The following FHAD1 variants were observed in gnomAD, a reference collection of about 807,000 sequenced individuals.
FHAD1 encodes the protein forkhead associated phosphopeptide binding domain 1.
In FHAD1, 146 loss-of-function variants were observed where a neutral mutation model predicts 191.3. The observed-to-expected ratio is 0.76, with a 90% CI of 0.67 to 0.88. The LOEUF (loss-of-function observed/expected upper bound fraction) is 0.88, where lower values mean the gene tolerates loss of function less well. Among genes scored for constraint, FHAD1 ranks in the 40% least tolerant of loss-of-function variants. FHAD1 has a pLI of 0.00. For missense variants in FHAD1, 1,635 were observed against 1,785.8 expected (o/e 0.92, Z 1.52); for synonymous variants, 616 against 672.3 (o/e 0.92, Z 1.29).
rs71572151 is a variant in FHAD1 at position 15,355,936 on chromosome 1, G to GAAAA, written c.2563-2162_2563-2159dup. Reference sequence around the variant, plus strand: ...AAAAACCTGTCATTCTAGAAAACTTGAAAAAAAAAAAAAAACAGAAAATCA... The same window carrying GAAAA: ...AAAAACCTGTCATTCTAGAAAACTTGAAAAAAAAAAAAAAAAAAACAGAAAATCA... On this transcript the variant is annotated intron_variant, in intron 20 of 33. Transcript: ENST00000688493. 5.5e-4 allele frequency among the ~76,000 whole-genome samples: 65 copies of GAAAA among 117,402 alleles called. No homozygotes were observed. The South Asian group carries it at 0.012, about 22-fold the overall frequency. The allele number at this position is 117,402 out of a possible 152,430, so 77.0% of individuals were successfully genotyped here.
chr1:15,275,555 G>A (rs186659180), intron 3 of FHAD1, among the ~76,000 whole-genome samples: 1 of 152,190 alleles, frequency 6.6e-6, no homozygotes, highest in African/African-American at 2.4e-5. Context: ...ATTCGTGCAG[G>A]CTTCCTCTTA....
chr1:15,315,285 C>G (rs755032482), intron 8 of FHAD1: 1 of 152,008 alleles, frequency 6.6e-6, no homozygotes, highest in Non-Finnish European at 1.5e-5. Context: ...TGTTTTGTTT[C>G]TAAAATTACC....
intron 33 of FHAD1, among the ~76,000 whole-genome samples, chr1:15,394,224 G>A (rs143184036): frequency 4.6e-5 from 7 of 152,220 alleles, no homozygotes; most frequent in Non-Finnish European, 8.8e-5. Flanking sequence ...CCCTTCCGTG[G>A]TGCTTCCCAT....
chr1:15,334,408 C>T (rs1291937038), intron 14 of FHAD1: 1 of 152,214 alleles, frequency 6.6e-6, no homozygotes, highest in Non-Finnish European at 1.5e-5. Flanking sequence ...CTAAGCTAAA[C>T]CGCATCTGAT....
upstream of FHAD1, among the ~76,000 whole-genome samples, chr1:15,244,213 C>T (rs1057378818): frequency 6.6e-6 from 1 of 152,150 alleles, no homozygotes; most frequent in Non-Finnish European, 1.5e-5. This position sits in a 1 kb window ranked among gnomAD's most constrained non-coding sequence, Gnocchi z 5.1. Flanking sequence ...AATTGGGTTT[C>T]AAGAACTTTG....
At position 15,289,667 on chromosome 1, in the gene FHAD1, G is replaced by T. The variant is rs1663808561; in HGVS notation, c.568+1G>T. ...CGCAAGCCACCCGTCATCAAGCAAG[G>T]TATGCGTCAGGGCTGCCATTGGTGG... On this transcript the variant is annotated splice_donor_variant, in intron 4 of 33. Transcript: ENST00000688493. LOFTEE classifies it high-confidence loss of function. This position sits in a 1 kb window ranked among gnomAD's most constrained non-coding sequence, Gnocchi z 4.2. 2 of 1,545,388 alleles carry T rather than the reference G, an allele frequency of 1.3e-6. No homozygotes were observed. Among genetic ancestry groups the T allele is most frequent in the Non-Finnish European group, 1.8e-6 (2 of 1,142,116 alleles).
At chr1:15,332,103 G>A (rs1374677583) in intron 14 of FHAD1, among the ~76,000 whole-genome samples, 1 of 152,170 alleles carries the variant, frequency 6.6e-6, no homozygotes, top group African/African-American at 2.4e-5. Context: ...TATCCAGAAG[G>A]TGGGGTAACA....
At chr1:15,353,616 A>C (rs1691624072) in intron 20 of FHAD1, among the ~76,000 whole-genome samples, 1 of 150,372 alleles carries the variant, frequency 6.7e-6, no homozygotes, top group Non-Finnish European at 1.5e-5. Flanking sequence ...GAGGCAGGAG[A>C]ATCGCTTGAA....
upstream of FHAD1, among the ~76,000 whole-genome samples, chr1:15,244,111 A>G (rs1264335678): frequency 6.6e-6 from 1 of 151,818 alleles, no homozygotes; most frequent in East Asian, 1.9e-4. The surrounding 1 kb of genome is among the most constrained non-coding windows in gnomAD (Gnocchi z 5.1). Context: ...GCAATGTACA[A>G]CTCTCTTACT....
chr1:15,294,936 A>G (rs1050918430), intron 4 of FHAD1, among the ~76,000 whole-genome samples: 1 of 152,156 alleles, frequency 6.6e-6, no homozygotes, highest in Admixed American at 6.5e-5. Flanking sequence ...CATACAGGTG[A>G]GGGAGGAAGA....
At chr1:15,388,853 A>C (rs1703035840) in intron 32 of FHAD1, among the ~76,000 whole-genome samples, 1 of 152,192 alleles carries the variant, frequency 6.6e-6, no homozygotes, top group African/African-American at 2.4e-5. Flanking sequence ...ATCTTTAAGA[A>C]CAGCCTTCGT....
upstream of FHAD1, among the ~76,000 whole-genome samples, chr1:15,242,259 C>CAA (rs1266511819): frequency 1.4e-5 from 2 of 142,878 alleles, no homozygotes; most frequent in African/African-American, 5.1e-5. Context: ...AAAAAGTTTA[C>CAA]AAAAAGTACA....
chr1:15,366,626 C>T (rs1422424782), intron 24 of FHAD1, among the ~76,000 whole-genome samples: 1 of 152,234 alleles, frequency 6.6e-6, no homozygotes, highest in Non-Finnish European at 1.5e-5. Flanking sequence ...GCTTTGGGAC[C>T]TAGGGCAAGG....
At chr1:15,270,391 G>A (rs1655390036) in intron 2 of FHAD1, among the ~76,000 whole-genome samples, 1 of 152,202 alleles carries the variant, frequency 6.6e-6, no homozygotes, top group Admixed American at 6.5e-5. Flanking sequence ...CAAGCCAGGT[G>A]ACTTGTCAAG....
intron 18 of FHAD1, among the ~76,000 whole-genome samples, chr1:15,346,165 C>T (rs915621558): frequency 6.6e-6 from 1 of 152,166 alleles, no homozygotes; most frequent in African/African-American, 2.4e-5. Flanking sequence ...TTCCTCAGGT[C>T]CCTCACAGGA....
At chr1:15,373,103 A>G (rs1262825367) in intron 26 of FHAD1, among the ~76,000 whole-genome samples, 1 of 152,210 alleles carries the variant, frequency 6.6e-6, no homozygotes, top group Non-Finnish European at 1.5e-5. Context: ...AATGGACTTC[A>G]GGAGGTCTTG....
At chr1:15,350,385 G>C (rs1027500277) in intron 19 of FHAD1, among the ~76,000 whole-genome samples, 1 of 152,272 alleles carries the variant, frequency 6.6e-6, no homozygotes, top group Non-Finnish European at 1.5e-5. Context: ...GAACTGGAAG[G>C]GAAAAGGAGC....
intron 26 of FHAD1, 139 bp downstream of exon 26, chr1:15,369,641 C>T (rs1697525069): frequency 2.1e-6 from 2 of 952,840 alleles, no homozygotes; most frequent in Non-Finnish European, 3.1e-6. Flanking sequence ...AAGTAAATCG[C>T]AGAATACTGC....
At chr1:15,355,654 G>A (rs957892429) in intron 20 of FHAD1, among the ~76,000 whole-genome samples, 7 of 152,150 alleles carry the variant, frequency 4.6e-5, no homozygotes, top group African/African-American at 7.2e-5. Context: ...TGAGCTGTAC[G>A]TGACAAGCTA....
Sources: allele counts gnomAD v4.1 joint callset (sites outside exome capture counted in the v4.1 genomes callset), GRCh38; gene constraint gnomAD v4.1.1; non-coding constraint Gnocchi (gnomAD v3.1); transcripts MANE v1.5; gene names NCBI Gene and HGNC (gene_info 2026-07-23, HGNC 2026-07-21).